The following DNAI7 variants were observed in gnomAD, a reference collection of about 807,000 sequenced individuals.
DNAI7 encodes the protein cancer susceptibility 1.
Under a neutral mutation model 86.6 loss-of-function variants are expected in DNAI7, and 78 were observed. The ratio of observed to expected loss-of-function variants is 0.90; its 90% confidence interval spans 0.75 to 1.09. DNAI7 has a LOEUF of 1.09. Among genes scored for constraint, DNAI7 ranks in the 50% least tolerant of loss-of-function variants. DNAI7 has a pLI of 0.00. For missense variants in DNAI7, 753 were observed against 810.2 expected (o/e 0.93, Z 0.86); for synonymous variants, 274 against 273.0 (o/e 1.00, Z -0.04).
chr12:25,114,647 G>C lies in DNAI7; in HGVS notation c.1611+9C>G. 1 of 1,569,706 alleles carries C rather than the reference G, an allele frequency of 6.4e-7. No individual in the cohort carries two copies. Among genetic ancestry groups the C allele is most frequent in the Non-Finnish European group, 8.8e-7 (1 of 1,139,960 alleles). On this transcript the variant is annotated intron_variant, in intron 13 of 15. Coordinates refer to ENST00000395987, the MANE Select transcript of DNAI7 (RefSeq NM_018272.5). Reference sequence around the variant, plus strand: ...ACGATAGTACATAACAGCTACAAGAGTAACTCACCTTAATTTGTATTTGAA... The same window carrying C: ...ACGATAGTACATAACAGCTACAAGACTAACTCACCTTAATTTGTATTTGAA...
chr12:25,168,774 C>T (rs1200444237), intron 2 of DNAI7, among the ~76,000 whole-genome samples: 1 of 152,166 alleles, frequency 6.6e-6, no homozygotes, highest in Non-Finnish European at 1.5e-5. Flanking sequence ...GTCCTAGGTC[C>T]TCCCAATTCT....
intron 2 of DNAI7, among the ~76,000 whole-genome samples, chr12:25,165,546 T>A (rs1947361377): frequency 6.6e-6 from 1 of 152,220 alleles, no homozygotes; most frequent in Admixed American, 6.5e-5. Context: ...GCAGCCACTT[T>A]CAGAGCCCCT....
chr12:25,144,304 AG>A (rs1323528991), intron 9 of DNAI7, 60 bp downstream of exon 9: 1 of 1,383,348 alleles, frequency 7.2e-7, no homozygotes, highest in African/African-American at 1.4e-5. Context: ...GAACACTTTA[AG>A]GGAATCTAAT....
chr12:25,172,549 T>C (rs1948256216), intron 2 of DNAI7, among the ~76,000 whole-genome samples: 1 of 152,050 alleles, frequency 6.6e-6, no homozygotes, highest in Admixed American at 6.6e-5. Context: ...ACAAATTCAA[T>C]ACAATCCCCA....
chr12:25,175,287 T>C (rs1948830753), intron 2 of DNAI7, among the ~76,000 whole-genome samples: 1 of 152,156 alleles, frequency 6.6e-6, no homozygotes, highest in African/African-American at 2.4e-5. Flanking sequence ...AGAAAAATCT[T>C]TACACACCAA....
chr12:25,174,731 T>TATGGAATATATATATCATAC (rs1948766671), intron 2 of DNAI7, among the ~76,000 whole-genome samples: 7 of 83,480 alleles, frequency 8.4e-5, no homozygotes, highest in Admixed American at 1.5e-4. Flanking sequence ...ATATCATATA[T>TATGGAATATATATATCATAC]ATATGGAATA....
At position 25,161,208 on chromosome 12, in the gene DNAI7, G is replaced by A; in HGVS notation, c.22-11C>T. Reference sequence around the variant, plus strand: ...TTTCTTACTGCCAGACTTAACAAAGGCCACATCATAAAAAAGGCTATTAAC... The same window carrying A: ...TTTCTTACTGCCAGACTTAACAAAGACCACATCATAAAAAAGGCTATTAAC... On this transcript the variant is annotated splice_polypyrimidine_tract_variant and intron_variant, in intron 2 of 15. Coordinates refer to ENST00000395987, the MANE Select transcript of DNAI7 (RefSeq NM_018272.5). 1.2e-6 allele frequency: 2 copies of A among 1,610,256 alleles called. No individual in the cohort carries two copies. The highest frequency in any genetic ancestry group is 1.7e-6 in the Non-Finnish European group (2 of 1,176,912).
chr12:25,129,263 T>C (rs889959017), intron 9 of DNAI7, among the ~76,000 whole-genome samples: 4 of 152,212 alleles, frequency 2.6e-5, no homozygotes, highest in African/African-American at 9.6e-5. Context: ...ATGATTACTA[T>C]ATGGTATTTT....
intron 13 of DNAI7, among the ~76,000 whole-genome samples, chr12:25,113,778 C>T (rs1490813632): frequency 6.6e-6 from 1 of 152,062 alleles, no homozygotes. Flanking sequence ...ACTGGTACAA[C>T]TATCCCCATA....
chr12:25,139,886 A>G (rs2140777544), intron 9 of DNAI7, among the ~76,000 whole-genome samples: 1 of 152,332 alleles, frequency 6.6e-6, no homozygotes, highest in South Asian at 2.1e-4. Flanking sequence ...ATTCACCATG[A>G]TCAAGTGGGT....
At chr12:25,125,152 G>C (rs1432607045) in intron 9 of DNAI7, among the ~76,000 whole-genome samples, 3 of 152,140 alleles carry the variant, frequency 2.0e-5, no homozygotes, top group Non-Finnish European at 4.4e-5. Flanking sequence ...GGATTGCTGG[G>C]TGAAATGGTA....
chr12:25,133,346 T>C (rs4963855), intron 9 of DNAI7, among the ~76,000 whole-genome samples: 152,044 of 152,308 alleles, frequency 1, 75,894 homozygotes, highest in Middle Eastern at 1. Flanking sequence ...CAAATCCCAT[T>C]AAATTATCTC....
intron 6 of DNAI7, among the ~76,000 whole-genome samples, chr12:25,150,787 G>T (rs577928624): frequency 6.6e-6 from 1 of 151,904 alleles, no homozygotes; most frequent in African/African-American, 2.4e-5. Context: ...GTTAATAAAC[G>T]AGTGGCAACT....
intron 4 of DNAI7, among the ~76,000 whole-genome samples, chr12:25,156,652 A>C (rs10842495): frequency 0.18 from 27,543 of 151,500 alleles, 2,610 homozygotes; most frequent in Middle Eastern, 0.24. Context: ...AAGGCAGGAG[A>C]ATCGCCTGAA....
At chr12:25,162,955 C>G (rs1946997571) in intron 2 of DNAI7, among the ~76,000 whole-genome samples, 1 of 152,194 alleles carries the variant, frequency 6.6e-6, no homozygotes, top group Non-Finnish European at 1.5e-5. Flanking sequence ...TCCAGATTGA[C>G]TACAAGAACA....
intron 13 of DNAI7, among the ~76,000 whole-genome samples, chr12:25,114,194 C>A (rs1323822489): frequency 6.6e-6 from 1 of 152,142 alleles, no homozygotes; most frequent in Admixed American, 6.5e-5. Context: ...CCGCCTTGGC[C>A]TCCCAAAGTG....
chr12:25,134,012 T>G (rs1943237592), intron 9 of DNAI7, among the ~76,000 whole-genome samples: 1 of 152,234 alleles, frequency 6.6e-6, no homozygotes, highest in South Asian at 2.1e-4. Context: ...TTTTTGTTTT[T>G]AAGACAGGGT....
chr12:25,174,652 G>T (rs7306153), intron 2 of DNAI7, among the ~76,000 whole-genome samples: 60,915 of 77,740 alleles, frequency 0.78, 24,479 homozygotes, highest in East Asian at 0.9. Flanking sequence ...ATGGAATATA[G>T]ATATCATATA....
intron 7 of DNAI7, 36 bp from the exon 8 acceptor site, chr12:25,147,140 A>G (rs774335206): frequency 2.0e-6 from 2 of 1,018,984 alleles, no homozygotes; most frequent in East Asian, 4.8e-5. Flanking sequence ...AAAGGGCCAC[A>G]GGCCTCATAA....
Sources: gnomAD v4.1 joint callset for allele counts (sites outside exome capture counted in the v4.1 genomes callset) on GRCh38, gnomAD v4.1.1 for gene constraint, MANE v1.5 for transcripts, NCBI Gene and HGNC (gene_info 2026-07-23, HGNC 2026-07-21) for gene names.